CHCHD3: variants seen among roughly 807,000 people sequenced by gnomAD.
The protein encoded by CHCHD3 is coiled-coil-helix-coiled-coil-helix domain containing 3, also known as MICOS complex subunit MIC19.
CHCHD3 carries 20 observed loss-of-function variants against 38.2 expected under a neutral mutation model. The ratio of observed to expected loss-of-function variants is 0.52; its 90% CI spans 0.37 to 0.76. The LOEUF (loss-of-function observed/expected upper bound fraction) is 0.76. CHCHD3 is among the 30% of genes least tolerant of loss of function. The pLI, the probability that CHCHD3 is intolerant of heterozygous loss-of-function variation, is 0.00. For missense variants in CHCHD3, 245 were observed against 279.2 expected, an observed-to-expected ratio of 0.88 and a Z score of 0.87; for synonymous variants, 82 against 100.0, an observed-to-expected ratio of 0.82 and a Z score of 1.07.
chr7:132,794,141 C>T (rs372754255), intron 7 of CHCHD3, among the ~76,000 whole-genome samples: 6 of 152,210 alleles, frequency 3.9e-5, no homozygotes, highest in Admixed American at 1.3e-4. Flanking sequence ...CTCTGTCCCC[C>T]GCTCATTAGA....
At chr7:133,081,725 G>GAC in intron 1 of CHCHD3, 132 bp downstream of exon 1, 1 of 827,380 alleles carries the variant, frequency 1.2e-6, no homozygotes, top group Non-Finnish European at 1.9e-6. Context: ...CTTCTTCCCA[G>GAC]ACACCTGGGC....
chr7:132,912,009 C>T (rs934939145), intron 4 of CHCHD3, among the ~76,000 whole-genome samples: 8 of 152,308 alleles, frequency 5.3e-5, no homozygotes, highest in Middle Eastern at 3.4e-3. Context: ...ACACAACAAA[C>T]GTGAATTACA....
chr7:132,811,376 G>A (rs944168387), intron 6 of CHCHD3, among the ~76,000 whole-genome samples: 10 of 152,208 alleles, frequency 6.6e-5, no homozygotes, highest in South Asian at 4.1e-4. Context: ...TCACACCACC[G>A]GTGGCAAGTA....
intron 4 of CHCHD3, among the ~76,000 whole-genome samples, chr7:132,906,617 G>A (rs1238711658): frequency 1.4e-5 from 2 of 140,938 alleles, no homozygotes; most frequent in East Asian, 2.4e-4. Flanking sequence ...CCCAACCCCC[G>A]CCCCAATCTT....
rs561788048 is a variant in CHCHD3, at chr7:132,990,034, G to A, written c.252-14748C>T. 2.1e-4 allele frequency among the ~76,000 whole-genome samples: 32 copies of A among 152,184 alleles called. 2 individuals carry two copies. The South Asian group carries it at 4.2e-3, about 20-fold the overall frequency. On this transcript the variant is annotated intron_variant, in intron 3 of 7. Coordinates refer to ENST00000262570, the MANE Select transcript of CHCHD3 (RefSeq NM_017812.4). ...CTAAAAATACAAAAATTAGCCGGGC[G>A]TGGTGGTGGGTGCCTGTAATCCCAG...
intron 6 of CHCHD3, among the ~76,000 whole-genome samples, chr7:132,836,147 T>C (rs982249077): frequency 5.9e-5 from 9 of 152,006 alleles, no homozygotes; most frequent in African/African-American, 2.2e-4. Context: ...AGAGTCTTGC[T>C]CTGTTGCCCA....
Position 132,796,492 on chromosome 7 carries a change from ATT to A in CHCHD3, c.608_609del (p.Lys203MetfsTer21). The A allele has an allele frequency of 6.2e-7, 1 of 1,613,934 alleles. No homozygotes were observed. On this transcript the variant is annotated frameshift_variant, in exon 7 of 8. Coordinates refer to ENST00000262570, the MANE Select transcript of CHCHD3 (RefSeq NM_017812.4). LOFTEE classifies it high-confidence loss of function. The part of the protein sequence containing the change: ...CYRENTHQTL[K>X]CSALATQYMH... Reference sequence around the variant, plus strand: ...ATATACTGGGTGGCCAGAGCGGAGCATTTGAGGGTCTGGTGGGTGTTCTCACG... The same window carrying A: ...ATATACTGGGTGGCCAGAGCGGAGCATGAGGGTCTGGTGGGTGTTCTCACG...
chr7:132,854,369 A>G (rs1290803923), intron 5 of CHCHD3, among the ~76,000 whole-genome samples: 1 of 152,172 alleles, frequency 6.6e-6, no homozygotes, highest in Non-Finnish European at 1.5e-5. Flanking sequence ...AGAAAAAAGG[A>G]GAGAAGAAAT....
intron 5 of CHCHD3, among the ~76,000 whole-genome samples, chr7:132,880,486 G>T (rs146767618): frequency 1.3e-5 from 2 of 152,154 alleles, no homozygotes; most frequent in Non-Finnish European, 2.9e-5. Context: ...TAAATGGCTA[G>T]TGAAGAAGAT....
Position 132,908,240 on chromosome 7 carries a change from A to G in CHCHD3, c.370-22495T>C, listed in dbSNP as rs150318494. ...TAAGAGAATCATGCTGCCACGGTGCAGGAAAACGTAACTGGGAGTATTCCT... is the reference window on the plus strand; with the variant it reads ...TAAGAGAATCATGCTGCCACGGTGCGGGAAAACGTAACTGGGAGTATTCCT... On this transcript the variant is annotated intron_variant, in intron 4 of 7. Transcript: ENST00000262570. Among the ~76,000 whole-genome samples, 994 of 152,304 alleles carry G rather than the reference A, an allele frequency of 6.5e-3. 11 individuals carry two copies. Among genetic ancestry groups the G allele is most frequent in the African/African-American group, 0.022 (922 of 41,560 alleles).
At chr7:133,052,944 C>T (rs1417647868) in intron 2 of CHCHD3, among the ~76,000 whole-genome samples, 1 of 152,130 alleles carries the variant, frequency 6.6e-6, no homozygotes, top group African/African-American at 2.4e-5. Context: ...ATTCTAACAA[C>T]AATATTTCAT....
chr7:133,062,172 C>T (rs1435180132), intron 2 of CHCHD3, among the ~76,000 whole-genome samples: 1 of 151,746 alleles, frequency 6.6e-6, no homozygotes, highest in African/African-American at 2.4e-5. Flanking sequence ...GCTGGAAAGT[C>T]AATGGATTGA....
intron 4 of CHCHD3, among the ~76,000 whole-genome samples, chr7:132,898,203 T>C (rs1809556431): frequency 6.6e-6 from 1 of 152,158 alleles, no homozygotes; most frequent in African/African-American, 2.4e-5. Context: ...GAACAAAGCT[T>C]CCACAGTGTG....
chr7:133,045,386 T>C (rs1310272084), intron 2 of CHCHD3, among the ~76,000 whole-genome samples: 2 of 152,204 alleles, frequency 1.3e-5, no homozygotes, highest in African/African-American at 4.8e-5. Flanking sequence ...GTCCTGTCTC[T>C]GCTCTACCTA....
rs989087495 is a variant in CHCHD3 at position 132,833,243 on chromosome 7, G to A, written c.524+5156C>T. Reference sequence around the variant, plus strand: ...GTTGTTATAAAATGCGACATGAAGTGTTGACAATTACTGTTTTAGTTGGAT... The same window carrying A: ...GTTGTTATAAAATGCGACATGAAGTATTGACAATTACTGTTTTAGTTGGAT... On this transcript the variant is annotated intron_variant, in intron 6 of 7. Coordinates refer to ENST00000262570, the MANE Select transcript of CHCHD3 (RefSeq NM_017812.4). Among the ~76,000 whole-genome samples the A allele has an allele frequency of 4.6e-5, 7 of 152,166 alleles. 1 individual carries two copies.
chr7:132,980,677 T>C (rs1376572492), intron 3 of CHCHD3, among the ~76,000 whole-genome samples: 1 of 152,180 alleles, frequency 6.6e-6, no homozygotes, highest in Admixed American at 6.5e-5. Flanking sequence ...GCGAGGGACT[T>C]AAGGTACACC....
chr7:133,009,324 ACT>A (rs1202680606), intron 3 of CHCHD3, among the ~76,000 whole-genome samples: 2 of 145,478 alleles, frequency 1.4e-5, no homozygotes, highest in Admixed American at 1.5e-4. Context: ...AGATCGCGCC[ACT>A]GCACTCCAGC....
rs865934154 is a variant in CHCHD3 at position 132,985,234 on chromosome 7, A to G, written c.252-9948T>C. ...AGCCCCCCGCCCGGCCAGCCGCCCCATCCGGGAGGGAGGTGGGGGGGTCAG... is the reference window on the plus strand; with the variant it reads ...AGCCCCCCGCCCGGCCAGCCGCCCCGTCCGGGAGGGAGGTGGGGGGGTCAG... On this transcript the variant is annotated intron_variant, in intron 3 of 7. Coordinates refer to ENST00000262570, the MANE Select transcript of CHCHD3 (RefSeq NM_017812.4). Among the ~76,000 whole-genome samples, 77 of 49,816 alleles carry G rather than the reference A, an allele frequency of 1.5e-3. 7 individuals carry two copies. The highest frequency in any genetic ancestry group is 1.7e-3 in the Non-Finnish European group (43 of 25,586). 32.7% of individuals were successfully genotyped at this position (49,816 alleles called of 152,430 possible).
At chr7:132,910,488 A>C (rs1809918863) in intron 4 of CHCHD3, among the ~76,000 whole-genome samples, 1 of 152,212 alleles carries the variant, frequency 6.6e-6, no homozygotes. Flanking sequence ...CAGATTTTTG[A>C]CAGAGAATGG....
Sources: gnomAD v4.1 joint callset for allele counts (sites outside exome capture counted in the v4.1 genomes callset) on GRCh38, gnomAD v4.1.1 for gene constraint, MANE v1.5 for transcripts, NCBI Gene and HGNC (gene_info 2026-07-23, HGNC 2026-07-21) for gene names.